GNG12: variants seen among roughly 807,000 people sequenced by gnomAD.
GNG12 encodes the protein guanine nucleotide-binding protein G(I)/G(S)/G(O) subunit gamma-12.
For synonymous variants in GNG12, 28 were observed against 29.7 expected, an observed-to-expected ratio of 0.94 and a Z score of 0.19; for missense variants, 69 against 83.8, an observed-to-expected ratio of 0.82 and a Z score of 0.69.
chr1:67,817,919 T>C (rs1285442302), intron 1 of GNG12, among the ~76,000 whole-genome samples: 1 of 151,484 alleles, frequency 6.6e-6, no homozygotes, highest in Non-Finnish European at 1.5e-5. Flanking sequence ...CCTGAGTAGC[T>C]AGGACTACAG....
chr1:67,832,314 T>C (rs1042593542), intron 1 of GNG12: 19 of 152,140 alleles, frequency 1.2e-4, no homozygotes, highest in Admixed American at 3.9e-4. Flanking sequence ...CTTGTTTGTA[T>C]ACAACCACGC....
chr1:67,749,035 C>T (rs559698152), intron 2 of GNG12, among the ~76,000 whole-genome samples: 1 of 152,224 alleles, frequency 6.6e-6, no homozygotes, highest in East Asian at 1.9e-4. Context: ...CCTCTTCCCA[C>T]TCCCCTGGAG....
chr1:67,822,821 A>G (rs1461447551), intron 1 of GNG12, among the ~76,000 whole-genome samples: 1 of 152,142 alleles, frequency 6.6e-6, no homozygotes, highest in Non-Finnish European at 1.5e-5. Flanking sequence ...AAACAAAGCC[A>G]CTGCCATCTT....
chr1:67,735,468 C>G (rs1465747303), intron 2 of GNG12, among the ~76,000 whole-genome samples: 1 of 152,226 alleles, frequency 6.6e-6, no homozygotes, highest in Non-Finnish European at 1.5e-5. Flanking sequence ...TGCCATTTAA[C>G]TGTGTGACTT....
chr1:67,789,137 C>T (rs116632121), intron 1 of GNG12, among the ~76,000 whole-genome samples: 32 of 152,244 alleles, frequency 2.1e-4, no homozygotes, highest in African/African-American at 7.2e-4. Context: ...ACATGGCCTT[C>T]GGTCTGCAGA....
rs186650675 is a variant in GNG12 at position 67,712,692 on chromosome 1, T to A, written c.-26-4980A>T. Among the ~76,000 whole-genome samples, 1,111 of 146,930 alleles carry A rather than the reference T, an allele frequency of 7.6e-3. 9 individuals carry two copies. Among genetic ancestry groups the A allele is most frequent in the African/African-American group, 0.026 (1,046 of 40,316 alleles). ...TGGGTAACAGAGCGAGACCCCCATTTAAAAAAAAAAAGTTAACCCAGTTCG... is the reference window on the plus strand; with the variant it reads ...TGGGTAACAGAGCGAGACCCCCATTAAAAAAAAAAAAGTTAACCCAGTTCG... On this transcript the variant is annotated intron_variant, in intron 2 of 3. Coordinates refer to ENST00000370982, the MANE Select transcript of GNG12 (RefSeq NM_018841.6).
chr1:67,829,449 T>C (rs1647030734), intron 1 of GNG12, among the ~76,000 whole-genome samples: 1 of 152,254 alleles, frequency 6.6e-6, no homozygotes, highest in South Asian at 2.1e-4. Flanking sequence ...TTTAAATTAC[T>C]GAGCTTTTTT....
intron 1 of GNG12, among the ~76,000 whole-genome samples, chr1:67,808,321 T>TA (rs1489109213): frequency 6.6e-6 from 1 of 152,070 alleles, no homozygotes; most frequent in African/African-American, 2.4e-5. Context: ...CTCAACTTGA[T>TA]AAAGAACATC....
intron 2 of GNG12, among the ~76,000 whole-genome samples, chr1:67,740,775 C>T (rs908817753): frequency 2.2e-4 from 33 of 152,164 alleles, no homozygotes; most frequent in African/African-American, 7.7e-4. Context: ...GCCATTCCCA[C>T]CTTGTGGTAC....
chr1:67,725,818 T>C (rs911717444), intron 2 of GNG12, among the ~76,000 whole-genome samples: 2 of 152,190 alleles, frequency 1.3e-5, no homozygotes, highest in African/African-American at 4.8e-5. Flanking sequence ...TCTTAAGGAG[T>C]GACATAAAAT....
intron 3 of GNG12, 62 bp from the exon 4 acceptor site, chr1:67,705,638 C>A: frequency 7.1e-6 from 11 of 1,549,980 alleles, no homozygotes; most frequent in Middle Eastern, 1.7e-4. Flanking sequence ...ACTTTCAGAG[C>A]GTATTTGAAT....
chr1:67,770,078 A>G (rs1646664876), intron 2 of GNG12, among the ~76,000 whole-genome samples: 1 of 152,188 alleles, frequency 6.6e-6, no homozygotes, highest in South Asian at 2.1e-4. Flanking sequence ...TAAGATGCGA[A>G]AGTGAAGGTT....
intron 1 of GNG12, among the ~76,000 whole-genome samples, chr1:67,816,639 G>A (rs1489384328): frequency 1.3e-5 from 2 of 152,178 alleles, no homozygotes; most frequent in Non-Finnish European, 2.9e-5. Flanking sequence ...TACCTGTGGG[G>A]CAGCAGTGAG....
chr1:67,833,063 C>T (rs1023131558), intron 1 of GNG12, among the ~76,000 whole-genome samples: 2 of 151,720 alleles, frequency 1.3e-5, no homozygotes, highest in Non-Finnish European at 2.9e-5. Context: ...GGCGGCCGCC[C>T]GTCGAGGGCG....
chr1:67,769,916 G>A (rs1385480129), intron 2 of GNG12, among the ~76,000 whole-genome samples: 1 of 152,174 alleles, frequency 6.6e-6, no homozygotes, highest in African/African-American at 2.4e-5. Flanking sequence ...AGAGGGAGCA[G>A]CATCTTTCCA....
chr1:67,742,876 GGAT>G (rs1327618720), intron 2 of GNG12, among the ~76,000 whole-genome samples: 1 of 151,398 alleles, frequency 6.6e-6, no homozygotes, highest in Admixed American at 6.6e-5. Flanking sequence ...GTGGTTTTAT[GGAT>G]GATATTGACA....
At chr1:67,825,053 T>G (rs1647004044) in intron 1 of GNG12, among the ~76,000 whole-genome samples, 1 of 152,208 alleles carries the variant, frequency 6.6e-6, no homozygotes, top group Non-Finnish European at 1.5e-5. Flanking sequence ...ATATTTATGT[T>G]AAAAAAGAGG....
intron 1 of GNG12, chr1:67,832,282 C>G (rs1444897265): frequency 6.6e-6 from 1 of 152,160 alleles, no homozygotes; most frequent in African/African-American, 2.4e-5. Flanking sequence ...CTCTGGTGTT[C>G]AGAGATTTCC....
intron 1 of GNG12, among the ~76,000 whole-genome samples, chr1:67,817,787 CTTTTTT>C (rs66518207): frequency 2.8e-5 from 3 of 108,256 alleles, no homozygotes; most frequent in Non-Finnish European, 5.5e-5. Context: ...TTCTTTCTTT[CTTTTTT>C]TTTTTTTTTT....
Sources: allele counts gnomAD v4.1 joint callset (sites outside exome capture counted in the v4.1 genomes callset), GRCh38; gene constraint gnomAD v4.1.1; transcripts MANE v1.5; gene names NCBI Gene and HGNC (gene_info 2026-07-23, HGNC 2026-07-21).